Variants in ZFHX3 observed in about 807,000 individuals in gnomAD.
The protein encoded by ZFHX3 is zinc finger homeobox protein 3.
ZFHX3 carries 42 observed loss-of-function variants against 279.1 expected under a neutral mutation model. That is an observed-to-expected ratio of 0.15 (90% CI 0.12 to 0.19). The LOEUF (loss-of-function observed/expected upper bound fraction) is 0.19, where lower values mean the gene tolerates loss of function less well. ZFHX3 is among the 10% of genes least tolerant of loss of function. The probability of loss-of-function intolerance (pLI) is 1.00; values close to 1 mark genes in which losing one functional copy is unlikely to be tolerated. For synonymous variants in ZFHX3, 2,293 were observed against 1,957.8 expected (o/e 1.17, Z -4.52); for missense variants, 4,981 against 4,754.0 (o/e 1.05, Z -1.40).
At chr16:73,744,039 A>G (rs753652020) in intron 1 of ZFHX3, among the ~76,000 whole-genome samples, 13 of 152,188 alleles carry the variant, frequency 8.5e-5, no homozygotes, top group Non-Finnish European at 1.6e-4. Context: ...GACCCCCGCC[A>G]CAGATCCAAC....
intron 2 of ZFHX3, among the ~76,000 whole-genome samples, chr16:73,543,367 C>A (rs1216814658): frequency 1.3e-5 from 2 of 152,194 alleles, no homozygotes; most frequent in Admixed American, 6.5e-5. Flanking sequence ...TTATATGGAA[C>A]GCCTTCAGTT....
At chr16:73,322,942 C>A (rs1039331017) in intron 3 of ZFHX3, among the ~76,000 whole-genome samples, 1 of 152,188 alleles carries the variant, frequency 6.6e-6, no homozygotes. Flanking sequence ...TATTGGAATA[C>A]AGTTTCAATG....
Position 72,959,937 on chromosome 16 carries a change from G to T in ZFHX3, c.209C>A (p.Pro70His). Residue 70 changes from proline (P) to histidine (H), a missense_variant, in exon 2 of 10, where the codon CCC becomes CAC. Pro to His is a moderately conservative substitution (Grantham distance 77). Transcript: ENST00000268489. Reference sequence around the variant, plus strand: ...CTCCTTGCTGGCGGGCTCGGAGGGGGGCCCGGCCGACGCGGTGCTCTCCGC... The same window carrying T: ...CTCCTTGCTGGCGGGCTCGGAGGGGTGCCCGGCCGACGCGGTGCTCTCCGC... ...RLAESTASAG[P>H]PSEPASKEVT... is the part of the protein sequence containing the mutation. 1 of 1,600,566 alleles carries T rather than the reference G, an allele frequency of 6.2e-7. No individual in the cohort carries two copies. Among genetic ancestry groups the T allele is most frequent in the South Asian group, 1.1e-5 (1 of 89,006 alleles).
chr16:73,553,857 A>G (rs987604916), intron 2 of ZFHX3, among the ~76,000 whole-genome samples: 2 of 152,054 alleles, frequency 1.3e-5, no homozygotes, highest in African/African-American at 2.4e-5. Context: ...GAAGAAATGG[A>G]TTTTCTCTTT....
At chr16:73,433,786 A>G (rs758843792) in intron 3 of ZFHX3, among the ~76,000 whole-genome samples, 1 of 152,284 alleles carries the variant, frequency 6.6e-6, no homozygotes, top group African/African-American at 2.4e-5. Flanking sequence ...GACAGAGCTG[A>G]GCCCACTCTG....
chr16:73,330,427 T>C (rs973789512), intron 3 of ZFHX3, among the ~76,000 whole-genome samples: 1 of 152,204 alleles, frequency 6.6e-6, no homozygotes, highest in African/African-American at 2.4e-5. Flanking sequence ...TAGAGGATCA[T>C]GCAAAGTGAA....
At chr16:72,933,882 G>A (rs1014112494) in intron 3 of ZFHX3, among the ~76,000 whole-genome samples, 3 of 144,642 alleles carry the variant, frequency 2.1e-5, no homozygotes, top group South Asian at 2.2e-4. Flanking sequence ...GCAGTGTCGC[G>A]ATCTCGGCTC....
At chr16:73,877,825 G>C (rs1472082661) in intron 1 of ZFHX3, among the ~76,000 whole-genome samples, 3 of 152,076 alleles carry the variant, frequency 2.0e-5, no homozygotes, top group South Asian at 2.1e-4. Flanking sequence ...GGACAACTCA[G>C]ATTCTATTAA....
intron 3 of ZFHX3, among the ~76,000 whole-genome samples, chr16:73,438,759 T>C (rs932298881): frequency 6.6e-6 from 1 of 152,204 alleles, no homozygotes; most frequent in Non-Finnish European, 1.5e-5. Flanking sequence ...ATTTTCAGCA[T>C]CCTCTTGAAA....
At chr16:72,884,644 G>A (rs1419228972) in intron 4 of ZFHX3, among the ~76,000 whole-genome samples, 1 of 152,210 alleles carries the variant, frequency 6.6e-6, no homozygotes, top group African/African-American at 2.4e-5. Flanking sequence ...GGAGGAGAAG[G>A]AGAAAGGCCG....
At chr16:73,851,108 C>T (rs1448701748) in intron 1 of ZFHX3, among the ~76,000 whole-genome samples, 2 of 152,182 alleles carry the variant, frequency 1.3e-5, no homozygotes, top group Non-Finnish European at 2.9e-5. Flanking sequence ...TGTCTTACTG[C>T]TGTCAAAACA....
At chr16:73,817,737 C>G (rs1960614869) in intron 1 of ZFHX3, among the ~76,000 whole-genome samples, 1 of 152,194 alleles carries the variant, frequency 6.6e-6, no homozygotes, top group Non-Finnish European at 1.5e-5. Context: ...TCTGGGAACC[C>G]TCTGCCCAGA....
At chr16:73,662,784 T>C (rs1317586081) in intron 2 of ZFHX3, among the ~76,000 whole-genome samples, 3 of 152,208 alleles carry the variant, frequency 2.0e-5, no homozygotes, top group Non-Finnish European at 4.4e-5. Context: ...ATCACAATTT[T>C]ATAGACCCTC....
At chr16:73,669,911 G>A (rs922722545) in intron 2 of ZFHX3, among the ~76,000 whole-genome samples, 5 of 152,138 alleles carry the variant, frequency 3.3e-5, no homozygotes, top group Non-Finnish European at 5.9e-5. Context: ...CTAAGCTGTT[G>A]TACTTGACTG....
chr16:72,936,009 T>C (rs1442455549), intron 3 of ZFHX3, among the ~76,000 whole-genome samples: 1 of 152,200 alleles, frequency 6.6e-6, no homozygotes, highest in East Asian at 1.9e-4. Context: ...GAGCCGAAAC[T>C]CACGGGTGGC....
In ZFHX3 at chr16:73,093,618, A is replaced by G. The variant is rs545842887; in HGVS notation, c.-896-20T>C. 2.6e-5 allele frequency: 13 copies of G among 503,856 alleles called. No homozygotes were observed. The Admixed American group carries it at 2.6e-4, about 10-fold the overall frequency. The allele number at this position is 503,856 out of a possible 1,614,324, so 31.2% of individuals were successfully genotyped here. Reference sequence around the variant, plus strand: ...CGTCTCCTGCAAACAGACAGCACGGAGAAGGATGAGTGAACTCGGCCTCTC... The same window carrying G: ...CGTCTCCTGCAAACAGACAGCACGGGGAAGGATGAGTGAACTCGGCCTCTC... On this transcript the variant is annotated intron_variant, in intron 7 of 17. Coordinates refer to the ZFHX3 transcript ENST00000641206.
At chr16:73,501,614 C>T (rs1043896627) in intron 2 of ZFHX3, among the ~76,000 whole-genome samples, 1 of 152,182 alleles carries the variant, frequency 6.6e-6, no homozygotes, top group Non-Finnish European at 1.5e-5. Flanking sequence ...AAGTCTCTTT[C>T]GAAGGATCCA....
chr16:72,895,215 A>C (rs2038870425), intron 3 of ZFHX3, among the ~76,000 whole-genome samples: 1 of 152,178 alleles, frequency 6.6e-6, no homozygotes, highest in South Asian at 2.1e-4. Context: ...GTCAGCAGCA[A>C]CTCTAAGAAA....
intron 2 of ZFHX3, among the ~76,000 whole-genome samples, chr16:73,645,150 C>T (rs1050603820): frequency 6.6e-6 from 1 of 152,180 alleles, no homozygotes; most frequent in African/African-American, 2.4e-5. Context: ...AACAGAAAGG[C>T]TTTCACTGCT....
Sources: gnomAD v4.1 joint callset for allele counts (sites outside exome capture counted in the v4.1 genomes callset) on GRCh38, gnomAD v4.1.1 for gene constraint, MANE v1.5 for transcripts, NCBI Gene and HGNC (gene_info 2026-07-23, HGNC 2026-07-21) for gene names.